The following SORBS2 variants were observed in gnomAD, a reference collection of about 807,000 sequenced individuals.
SORBS2 encodes sorbin and SH3 domain containing 2, also known as sorbin and SH3 domain-containing protein 2.
SORBS2 carries 46 observed loss-of-function variants against 97.7 expected under a neutral mutation model. The ratio of observed to expected loss-of-function variants is 0.47; its 90% confidence interval spans 0.37 to 0.60. The LOEUF is 0.60. Ranked by LOEUF, SORBS2 falls within the 20% of genes least tolerant of loss-of-function variation. SORBS2 has a pLI of 0.00. For synonymous variants in SORBS2, 476 were observed against 473.4 expected (o/e 1.01, Z -0.07); for missense variants, 1,316 against 1,282.3 (o/e 1.03, Z -0.40).
chr4:185,910,792 T>C (rs2099254563), intron 1 of SORBS2, among the ~76,000 whole-genome samples: 1 of 152,206 alleles, frequency 6.6e-6, no homozygotes, highest in Non-Finnish European at 1.5e-5. Flanking sequence ...GATGCAGATA[T>C]AAACAGGTAT....
exon 11 of SORBS2, chr4:185,614,899 C>T: frequency 6.2e-7 from 1 of 1,614,200 alleles, no homozygotes; most frequent in Non-Finnish European, 8.5e-7. Context: ...TCTCCGATTT[C>T]TCCGGGCTGG....
intron 2 of SORBS2, among the ~76,000 whole-genome samples, chr4:185,724,056 T>C (rs1179346087): frequency 6.6e-6 from 1 of 152,238 alleles, no homozygotes; most frequent in African/African-American, 2.4e-5. Flanking sequence ...TTCTGTACTG[T>C]TGAACAGCAG....
At chr4:185,931,061 A>T (rs1211709955) in intron 1 of SORBS2, among the ~76,000 whole-genome samples, 1 of 152,206 alleles carries the variant, frequency 6.6e-6, no homozygotes, top group African/African-American at 2.4e-5. Flanking sequence ...TTCACTTTTT[A>T]TGGTATAATT....
At chr4:185,833,088 C>T (rs959931250) in intron 1 of SORBS2, among the ~76,000 whole-genome samples, 5 of 152,154 alleles carry the variant, frequency 3.3e-5, no homozygotes, top group African/African-American at 1.2e-4. Context: ...ATCACATTTT[C>T]TTCATATGTG....
intron 1 of SORBS2, among the ~76,000 whole-genome samples, chr4:185,791,646 A>C (rs2099080561): frequency 6.6e-6 from 1 of 151,866 alleles, no homozygotes; most frequent in African/African-American, 2.4e-5. Flanking sequence ...TGCAACGTGG[A>C]ATTTATTATA....
chr4:185,678,065 T>G (rs1473675428), intron 4 of SORBS2, among the ~76,000 whole-genome samples: 1 of 152,190 alleles, frequency 6.6e-6, no homozygotes, highest in Non-Finnish European at 1.5e-5. Context: ...CCCTTTTAGT[T>G]AATATAATAG....
chr4:185,922,053 G>C (rs899044423), intron 1 of SORBS2, among the ~76,000 whole-genome samples: 1 of 152,204 alleles, frequency 6.6e-6, no homozygotes, highest in Non-Finnish European at 1.5e-5. Context: ...TATCAACATA[G>C]TCCTTTCATT....
At chr4:185,604,154 T>C (rs901180450) in intron 12 of SORBS2, among the ~76,000 whole-genome samples, 1 of 152,258 alleles carries the variant, frequency 6.6e-6, no homozygotes, top group African/African-American at 2.4e-5. Flanking sequence ...CTCCTCAATC[T>C]GGGTATAGCT....
At chr4:185,849,474 A>ATTTTT (rs35266876) in intron 1 of SORBS2, among the ~76,000 whole-genome samples, 8 of 147,174 alleles carry the variant, frequency 5.4e-5, no homozygotes, top group Admixed American at 4.7e-4. Flanking sequence ...TCTCCCTGCC[A>ATTTTT]TTTTTTTTTT....
intron 4 of SORBS2, chr4:185,675,221 G>A (rs1442828668): frequency 6.6e-6 from 1 of 152,218 alleles, no homozygotes; most frequent in African/African-American, 2.4e-5. Context: ...CCATTCTGAA[G>A]AAGCAAACCA....
chr4:185,877,224 T>C (rs940047782), intron 1 of SORBS2, among the ~76,000 whole-genome samples: 1 of 152,152 alleles, frequency 6.6e-6, no homozygotes, highest in Non-Finnish European at 1.5e-5. Context: ...CAAAACCTAT[T>C]ATTATAATTT....
intron 13 of SORBS2, among the ~76,000 whole-genome samples, chr4:185,592,424 T>C (rs2095968930): frequency 6.6e-6 from 1 of 152,236 alleles, no homozygotes; most frequent in African/African-American, 2.4e-5. Context: ...ATGTTGGTAA[T>C]GCAATAAACC....
chr4:185,638,736 G>T, intron 4 of SORBS2, 141 bp downstream of exon 14: 1 of 701,566 alleles, frequency 1.4e-6, no homozygotes, highest in Non-Finnish European at 2.2e-6. Context: ...GCTCTCAGGG[G>T]CCTGTGGATG....
At chr4:185,737,533 A>G (rs570455452) in intron 2 of SORBS2, among the ~76,000 whole-genome samples, 86 of 152,188 alleles carry the variant, frequency 5.7e-4, no homozygotes, top group African/African-American at 2.0e-3. Context: ...AACCTAAAAT[A>G]CTGTCTGGTC....
chr4:185,736,312 A>C (rs1356787189), intron 2 of SORBS2, among the ~76,000 whole-genome samples: 2 of 152,232 alleles, frequency 1.3e-5, no homozygotes, highest in African/African-American at 2.4e-5. Context: ...TGTGCTTTGC[A>C]CCTAAGGCAA....
intron 1 of SORBS2, among the ~76,000 whole-genome samples, chr4:185,790,209 T>A (rs1406909116): frequency 6.6e-6 from 1 of 152,048 alleles, no homozygotes; most frequent in African/African-American, 2.4e-5. Flanking sequence ...TGAAAAAAAA[T>A]TGTTAAACTA....
At chr4:185,704,687 G>T (rs921552787) in intron 2 of SORBS2, among the ~76,000 whole-genome samples, 9 of 151,408 alleles carry the variant, frequency 5.9e-5, no homozygotes, top group Admixed American at 2.0e-4. Flanking sequence ...AATTACCCTG[G>T]ATGTTCCCTC....
intron 3 of SORBS2, among the ~76,000 whole-genome samples, chr4:185,648,029 T>G (rs1213210308): frequency 6.6e-6 from 1 of 152,214 alleles, no homozygotes; most frequent in Non-Finnish European, 1.5e-5. Context: ...CTGAGGAGAT[T>G]GGTATTAAAA....
At chr4:185,876,944 A>G (rs1368561777) in intron 1 of SORBS2, among the ~76,000 whole-genome samples, 2 of 152,232 alleles carry the variant, frequency 1.3e-5, no homozygotes, top group Admixed American at 1.3e-4. Flanking sequence ...GGTTAAAATA[A>G]CAAGATATTC....
Sources: allele counts gnomAD v4.1 joint callset (sites outside exome capture counted in the v4.1 genomes callset), GRCh38; gene constraint gnomAD v4.1.1; transcripts MANE v1.5; gene names NCBI Gene and HGNC (gene_info 2026-07-23, HGNC 2026-07-21).